The following CYTH1 variants were observed in gnomAD, a reference collection of about 807,000 sequenced individuals.
The protein encoded by CYTH1 is cytohesin 1, also known as cytohesin-1.
CYTH1 carries 18 observed loss-of-function variants against 61.8 expected under a neutral mutation model. That is an observed-to-expected ratio of 0.29 (90% confidence interval 0.20 to 0.43). The LOEUF (loss-of-function observed/expected upper bound fraction) is 0.43, where lower values mean the gene tolerates loss of function less well. Among genes scored for constraint, CYTH1 ranks in the 20% least tolerant of loss-of-function variants. CYTH1 has a pLI of 1.00. For synonymous variants in CYTH1, 174 were observed against 184.3 expected (o/e 0.94, Z 0.45); for missense variants, 336 against 510.5 (o/e 0.66, Z 3.29).
chr17:78,712,153 G>GA (rs1491362931), intron 1 of CYTH1, among the ~76,000 whole-genome samples: 1 of 69,078 alleles, frequency 1.4e-5, no homozygotes, highest in Non-Finnish European at 2.9e-5. Flanking sequence ...AAGGAGGAAG[G>GA]AAGGGAGGGA....
chr17:78,773,031 C>G (rs1053455976), intron 1 of CYTH1, among the ~76,000 whole-genome samples: 1 of 152,226 alleles, frequency 6.6e-6, no homozygotes, highest in East Asian at 1.9e-4. Flanking sequence ...TGGGTTTTCA[C>G]CATGTTGCCC....
Position 78,698,836 on chromosome 17 carries a change from G to A in CYTH1, c.683C>T (p.Pro228Leu), listed in dbSNP as rs375897965. Residue 228 changes from proline to leucine, a missense_variant, in exon 8 of 14, where the codon CCG becomes CTG. This residue lies in a region of CYTH1 where 125 missense variants were observed against 209.9 expected (regional missense o/e 0.60). Coordinates refer to ENST00000446868, the MANE Select transcript of CYTH1 (RefSeq NM_004762.6). Reference protein sequence around the residue: ...NRGINDGGDLPEELLRNLYES... With the variant: ...NRGINDGGDLLEELLRNLYES... ...CTTGCTTACCCGGAGGAGCTCCTCC[G>A]GCAGGTCTCCCCCATCATTGATGCC... is the stretch of plus-strand genomic sequence containing the variant. 2.3e-5 allele frequency: 36 copies of A among 1,582,640 alleles called. No individual in the cohort carries two copies. Among genetic ancestry groups the A allele is most frequent in the Non-Finnish European group, 2.9e-5 (34 of 1,170,882 alleles).
intron 3 of CYTH1, among the ~76,000 whole-genome samples, chr17:78,704,562 C>T (rs1169856301): frequency 2.0e-5 from 3 of 152,056 alleles, no homozygotes; most frequent in South Asian, 2.1e-4. Context: ...GCTCTGTCAC[C>T]CAGGCTGGAG....
In CYTH1 at chr17:78,675,768, T is replaced by C; in HGVS notation, c.*323A>G. On this transcript the variant is annotated 3_prime_UTR_variant, in exon 14 of 14. Coordinates refer to ENST00000446868, the MANE Select transcript of CYTH1 (RefSeq NM_004762.6). ...CTTCTTCACGGGGACAACCAAGAGG[T>C]AAACAGTTGGCTCTGAGCTCTGCTA... 1.0e-6 allele frequency: 1 copy of C among 962,458 alleles called. No homozygotes were observed. Among genetic ancestry groups the C allele is most frequent in the Non-Finnish European group, 1.5e-6 (1 of 681,578 alleles). 59.6% of individuals were successfully genotyped at this position (962,458 alleles called of 1,614,324 possible).
chr17:78,682,020 T>C (rs1307329651), intron 11 of CYTH1, among the ~76,000 whole-genome samples: 1 of 152,104 alleles, frequency 6.6e-6, no homozygotes, highest in Non-Finnish European at 1.5e-5. Flanking sequence ...TTTGACTGCT[T>C]GATTTTAGAT....
intron 11 of CYTH1, among the ~76,000 whole-genome samples, chr17:78,683,429 T>C (rs1412010810): frequency 6.6e-6 from 1 of 152,216 alleles, no homozygotes; most frequent in South Asian, 2.1e-4. Flanking sequence ...TGTGACCATC[T>C]ACAAGGGCCC....
At chr17:78,746,595 C>T (rs1035375008) in intron 1 of CYTH1, among the ~76,000 whole-genome samples, 3 of 152,104 alleles carry the variant, frequency 2.0e-5, no homozygotes, top group Admixed American at 6.6e-5. Context: ...TTTTAGAATG[C>T]CGACTCTCCC....
Position 78,764,328 on chromosome 17 carries a change from C to A in CYTH1, c.22+17874G>T, listed in dbSNP as rs571663523. Reference sequence around the variant, plus strand: ...TCTCCTGCCTCAGCCTCCTGAGTAGCTGGGACTACGGGCGCACCCCACCAC... The same window carrying A: ...TCTCCTGCCTCAGCCTCCTGAGTAGATGGGACTACGGGCGCACCCCACCAC... On this transcript the variant is annotated intron_variant, in intron 1 of 13. Transcript: ENST00000446868. Among the ~76,000 whole-genome samples the A allele has an allele frequency of 8.3e-4, 125 of 151,426 alleles. 1 individual carries two copies. Among genetic ancestry groups the A allele is most frequent in the African/African-American group, 2.9e-3 (120 of 41,334 alleles).
At chr17:78,777,670 A>G (rs1258713610) in intron 1 of CYTH1, among the ~76,000 whole-genome samples, 1 of 151,914 alleles carries the variant, frequency 6.6e-6, no homozygotes, top group African/African-American at 2.4e-5. Context: ...GTAGCCAGGA[A>G]ATTACAATGC....
chr17:78,729,650 G>T (rs868619408), intron 1 of CYTH1, among the ~76,000 whole-genome samples: 149 of 152,262 alleles, frequency 9.8e-4, no homozygotes, highest in African/African-American at 3.5e-3. Context: ...TTCCACTTAA[G>T]AGTGGATATG....
chr17:78,711,300 ATAATAT>A (rs1233222174), intron 1 of CYTH1, among the ~76,000 whole-genome samples: 1 of 96,848 alleles, frequency 1.0e-5, no homozygotes, highest in African/African-American at 4.0e-5. Context: ...AAATAAATAA[ATAATAT>A]ATATATATAC....
chr17:78,686,398 C>T (rs2092816935), intron 11 of CYTH1, among the ~76,000 whole-genome samples: 1 of 152,138 alleles, frequency 6.6e-6, no homozygotes, highest in Non-Finnish European at 1.5e-5. Flanking sequence ...GCTTTTCTGG[C>T]CTTCCAGCTG....
intron 1 of CYTH1, among the ~76,000 whole-genome samples, chr17:78,762,212 C>T (rs2093431776): frequency 6.6e-6 from 1 of 152,120 alleles, no homozygotes; most frequent in South Asian, 2.1e-4. Flanking sequence ...ACAACATAAC[C>T]TTCTGACTCA....
In CYTH1 at chr17:78,700,206, A is replaced by G. The variant is rs752416454; in HGVS notation, c.550+125T>C. The G allele has an allele frequency of 6.4e-6, 5 of 785,900 alleles. No individual in the cohort carries two copies. The highest frequency in any genetic ancestry group is 9.8e-6 in the Non-Finnish European group (5 of 509,596). The allele number at this position is 785,900 out of a possible 1,614,324, so 48.7% of individuals were successfully genotyped here. A position where few individuals can be genotyped will look rare whatever the true frequency, so the allele number is the denominator to read the frequency against. On this transcript the variant is annotated intron_variant, in intron 7 of 13. Coordinates refer to ENST00000446868, the MANE Select transcript of CYTH1 (RefSeq NM_004762.6). This position sits in a 1 kb window ranked among gnomAD's most constrained non-coding sequence, Gnocchi z 5.1. ...TTATTTCCAACATTTTACTATTATA[A>G]CTATCATTGAGTAAACGTTCCTAGG...
intron 1 of CYTH1, among the ~76,000 whole-genome samples, chr17:78,755,669 G>A (rs1258137143): frequency 2.6e-5 from 4 of 152,030 alleles, no homozygotes; most frequent in Admixed American, 2.6e-4. Flanking sequence ...TGAAGCGGCG[G>A]CCAGGCTCGG....
chr17:78,727,762 G>A (rs1175924385), intron 1 of CYTH1: 6 of 470,318 alleles, frequency 1.3e-5, no homozygotes, highest in Admixed American at 1.2e-4. Flanking sequence ...CTTCTTCTCT[G>A]TCTTGGCTGC....
At chr17:78,728,265 G>A (rs1006835312) in intron 1 of CYTH1, among the ~76,000 whole-genome samples, 1 of 152,134 alleles carries the variant, frequency 6.6e-6, no homozygotes, top group Non-Finnish European at 1.5e-5. Flanking sequence ...CATTATTTAC[G>A]CCGGGTGCAG....
intron 1 of CYTH1, among the ~76,000 whole-genome samples, chr17:78,743,660 T>C (rs543400466): frequency 6.6e-6 from 1 of 152,364 alleles, no homozygotes; most frequent in South Asian, 2.1e-4. Context: ...AGCCTATTCT[T>C]GTTTCATTCA....
intron 13 of CYTH1, 145 bp downstream of exon 13, chr17:78,680,045 T>G: frequency 1.8e-6 from 2 of 1,140,958 alleles, no homozygotes; most frequent in East Asian, 2.7e-5. Flanking sequence ...TGGGAAGCCG[T>G]CAGCTGGGAA....
Sources: gnomAD v4.1 joint callset for allele counts (sites outside exome capture counted in the v4.1 genomes callset) on GRCh38, gnomAD v4.1.1 for gene constraint, gnomAD v4.1.1 regional missense constraint, Gnocchi (gnomAD v3.1) non-coding constraint, MANE v1.5 for transcripts, NCBI Gene and HGNC (gene_info 2026-07-23, HGNC 2026-07-21) for gene names.